Variants in UBAC2 observed in about 807,000 individuals in gnomAD.
UBAC2 encodes the protein UBA domain containing 2.
In UBAC2, 26 loss-of-function variants were observed where a neutral mutation model predicts 44.0. The ratio of observed to expected loss-of-function variants is 0.59; its 90% CI spans 0.43 to 0.82. The LOEUF (loss-of-function observed/expected upper bound fraction) is 0.82, where lower values mean the gene tolerates loss of function less well. UBAC2 is among the 40% of genes least tolerant of loss of function. UBAC2 has a pLI of 0.00. For missense variants in UBAC2, 329 were observed against 419.4 expected, an observed-to-expected ratio of 0.78 and a Z score of 1.88; for synonymous variants, 155 against 154.3, an observed-to-expected ratio of 1.00 and a Z score of -0.04.
At chr13:99,305,577 A>G (rs1252778695) in intron 4 of UBAC2, among the ~76,000 whole-genome samples, 2 of 152,256 alleles carry the variant, frequency 1.3e-5, no homozygotes, top group South Asian at 2.1e-4. Context: ...GTAAATATCT[A>G]TAGAATAAAT....
intron 1 of UBAC2, among the ~76,000 whole-genome samples, chr13:99,217,363 A>T (rs1450764654): frequency 6.6e-6 from 1 of 152,098 alleles, no homozygotes; most frequent in African/African-American, 2.4e-5. Context: ...AGAGCTTTAA[A>T]AACCAGACTT....
At chr13:99,220,940 T>C (rs1319650293) in intron 1 of UBAC2, among the ~76,000 whole-genome samples, 1 of 152,144 alleles carries the variant, frequency 6.6e-6, no homozygotes, top group Non-Finnish European at 1.5e-5. Flanking sequence ...GTTAATATTT[T>C]GGTAGATGCT....
At chr13:99,368,115 C>T (rs1278313683) in intron 8 of UBAC2, among the ~76,000 whole-genome samples, 4 of 143,092 alleles carry the variant, frequency 2.8e-5, no homozygotes, top group South Asian at 2.6e-4. Context: ...TGGGGGGCGG[C>T]GGGTGGGAAT....
intron 4 of UBAC2, chr13:99,255,958 ATGC>A (rs2043548145): frequency 1.6e-6 from 2 of 1,286,894 alleles, no homozygotes; most frequent in African/African-American, 3.0e-5. Flanking sequence ...TAAAAAATAA[ATGC>A]TTAACATTCT....
At chr13:99,377,567 TA>T (rs1208798810) in intron 8 of UBAC2, 2 of 152,254 alleles carry the variant, frequency 1.3e-5, no homozygotes, top group African/African-American at 4.8e-5. Flanking sequence ...GCTGACCATC[TA>T]TAATACCATT....
chr13:99,307,674 A>G (rs1266041288), intron 4 of UBAC2, among the ~76,000 whole-genome samples: 1 of 152,212 alleles, frequency 6.6e-6, no homozygotes, highest in African/African-American at 2.4e-5. Context: ...GTATCAAAAA[A>G]TTCTTTGAAA....
chr13:99,207,471 T>G (rs1240476758), intron 1 of UBAC2, among the ~76,000 whole-genome samples: 2 of 152,242 alleles, frequency 1.3e-5, no homozygotes, highest in African/African-American at 4.8e-5. Context: ...TGATCTTCCC[T>G]TATTTTTTCC....
intron 4 of UBAC2, among the ~76,000 whole-genome samples, chr13:99,302,017 A>G (rs1360510458): frequency 6.6e-6 from 1 of 152,192 alleles, no homozygotes; most frequent in Non-Finnish European, 1.5e-5. Context: ...TTGTGCTGAG[A>G]TGATCACCAA....
intron 4 of UBAC2, chr13:99,296,038 C>G (rs1260081658): frequency 6.2e-7 from 1 of 1,614,042 alleles, no homozygotes; most frequent in Non-Finnish European, 8.5e-7. Context: ...GGCTGTAATG[C>G]AGAGGCATTA....
intron 5 of UBAC2, 40 bp downstream of exon 5, chr13:99,314,260 A>ATAT: frequency 1.0e-5 from 13 of 1,244,924 alleles, no homozygotes; most frequent in Non-Finnish European, 1.3e-5. Context: ...CTTTAACCAG[A>ATAT]TCTTTTTTTT....
intron 8 of UBAC2, among the ~76,000 whole-genome samples, chr13:99,368,123 A>T (rs531285557): frequency 1.3e-5 from 2 of 152,072 alleles, no homozygotes; most frequent in South Asian, 4.2e-4. Context: ...GGCGGGTGGG[A>T]ATGTATTATG....
chr13:99,217,225 A>G (rs1337614868), intron 1 of UBAC2, among the ~76,000 whole-genome samples: 1 of 152,116 alleles, frequency 6.6e-6, no homozygotes, highest in Non-Finnish European at 1.5e-5. Context: ...CAGTGGCTGG[A>G]GATGTTGGCA....
At chr13:99,322,856 A>C (rs2044587449) in intron 6 of UBAC2, among the ~76,000 whole-genome samples, 1 of 152,172 alleles carries the variant, frequency 6.6e-6, no homozygotes, top group Admixed American at 6.5e-5. Context: ...GGGTAGGGAA[A>C]ATGAGCCATC....
chr13:99,285,475 G>A (rs1484188129), intron 4 of UBAC2, among the ~76,000 whole-genome samples: 2 of 151,196 alleles, frequency 1.3e-5, no homozygotes, highest in African/African-American at 2.4e-5. Context: ...TCACTGTAAC[G>A]TCAAACTTCT....
intron 1 of UBAC2, among the ~76,000 whole-genome samples, chr13:99,213,413 T>G (rs1286929883): frequency 6.6e-6 from 1 of 151,918 alleles, no homozygotes. Flanking sequence ...CAGCCTGGAG[T>G]GCAATGGTGT....
chr13:99,290,060 A>G (rs1453105323), intron 4 of UBAC2, among the ~76,000 whole-genome samples: 1 of 151,512 alleles, frequency 6.6e-6, no homozygotes, highest in Non-Finnish European at 1.5e-5. Context: ...TACGATGATG[A>G]AGAGTGCAGA....
intron 4 of UBAC2, among the ~76,000 whole-genome samples, chr13:99,302,545 G>A (rs1275119552): frequency 1.3e-5 from 2 of 152,198 alleles, no homozygotes; most frequent in Non-Finnish European, 2.9e-5. Context: ...TCAAACAGGG[G>A]CATCTAAATT....
At chr13:99,336,363 T>C (rs538995434) in intron 6 of UBAC2, among the ~76,000 whole-genome samples, 2 of 152,352 alleles carry the variant, frequency 1.3e-5, no homozygotes, top group East Asian at 3.9e-4. Context: ...TTTTCTTTTC[T>C]AGTTTGTACC....
At chr13:99,376,137 T>C (rs1479477196) in intron 8 of UBAC2, among the ~76,000 whole-genome samples, 1 of 152,184 alleles carries the variant, frequency 6.6e-6, no homozygotes, top group Non-Finnish European at 1.5e-5. Flanking sequence ...CTCTAGGGTG[T>C]TTTCCTCATT....
Sources: gnomAD v4.1 joint callset for allele counts (sites outside exome capture counted in the v4.1 genomes callset) on GRCh38, gnomAD v4.1.1 for gene constraint, MANE v1.5 for transcripts, NCBI Gene and HGNC (gene_info 2026-07-23, HGNC 2026-07-21) for gene names.